EHBP1: variants seen among roughly 807,000 people sequenced by gnomAD.
The protein encoded by EHBP1 is EH domain-binding protein 1.
In EHBP1, 55 loss-of-function variants were observed where a neutral mutation model predicts 144.0. The ratio of observed to expected loss-of-function variants is 0.38; its 90% CI spans 0.31 to 0.48. The LOEUF is 0.48. EHBP1 is among the 20% of genes least tolerant of loss of function. The pLI, the probability that EHBP1 is intolerant of heterozygous loss-of-function variation, is 0.98. For synonymous variants in EHBP1, 469 were observed against 472.7 expected (o/e 0.99, Z 0.10); for missense variants, 1,200 against 1,364.2 (o/e 0.88, Z 1.90).
rs144376041 is a variant in EHBP1, at chr2:62,948,817, T to A, written c.1971T>A (p.Ala657=). The change falls in exon 13 of 23, where the codon GCT becomes GCA. Residue 657 remains alanine, a synonymous_variant. Coordinates refer to ENST00000431489, the MANE Select transcript of EHBP1 (RefSeq NM_001142616.3). ...TAGGCAAAAAGAGACTATTGAAAGC[T>A]GAGACTTTAGAATTGAGTGACTTAT... ...VLLGKKRLLK[A]ETLELSDLYV... 6.0e-4 allele frequency: 970 copies of A among 1,614,138 alleles called. 2 individuals carry two copies. The highest frequency in any genetic ancestry group is 5.3e-3 in the Middle Eastern group (32 of 6,062).
intron 3 of EHBP1, among the ~76,000 whole-genome samples, chr2:62,756,211 C>T (rs2040265243): frequency 6.6e-6 from 1 of 151,724 alleles, no homozygotes; most frequent in Admixed American, 6.6e-5. Flanking sequence ...AATAATTTCT[C>T]TGTGAGGTCC....
rs74717002 is a variant in EHBP1, at chr2:62,948,675, G to A, written c.1829G>A (p.Arg610His). Residue 610 changes from arginine to histidine, a missense_variant, in exon 13 of 23, where the codon CGC (arginine) becomes CAC (histidine). Around this residue, in one of 6 missense-constraint regions of EHBP1, gnomAD observed 543 missense variants for 513.1 expected, o/e 1.06. Transcript: ENST00000431489. ...LSPSTASPYC[R>H]RTKSDTEPQK... is the part of the protein sequence containing the mutation. Reference sequence around the variant, plus strand: ...CCAAGCACAGCCTCCCCTTACTGTCGCAGGACTAAAAGTGACACAGAACCC... The same window carrying A: ...CCAAGCACAGCCTCCCCTTACTGTCACAGGACTAAAAGTGACACAGAACCC... 2.6e-4 allele frequency: 420 copies of A among 1,613,908 alleles called. No homozygotes were observed. In the African/African-American group the frequency reaches 3.8e-3, roughly 15 times the overall value.
intron 7 of EHBP1, among the ~76,000 whole-genome samples, chr2:62,833,158 A>G (rs2046953280): frequency 6.6e-6 from 1 of 152,242 alleles, no homozygotes; most frequent in Admixed American, 6.5e-5. Flanking sequence ...AATCCAGATC[A>G]AGGCCCTAAC....
intron 10 of EHBP1, among the ~76,000 whole-genome samples, chr2:62,880,139 C>T (rs1373190268): frequency 6.6e-6 from 1 of 152,056 alleles, no homozygotes; most frequent in African/African-American, 2.4e-5. Context: ...ACAAGTGGTG[C>T]CAGGTTAACT....
chr2:62,883,239 A>C (rs375369910), intron 10 of EHBP1, among the ~76,000 whole-genome samples: 1 of 152,188 alleles, frequency 6.6e-6, no homozygotes, highest in East Asian at 1.9e-4. Context: ...TCCAGGTTGG[A>C]ACTCTAAATA....
intron 10 of EHBP1, among the ~76,000 whole-genome samples, chr2:62,891,101 C>T (rs185408102): frequency 4.0e-4 from 60 of 150,104 alleles, no homozygotes; most frequent in Admixed American, 9.3e-4. Flanking sequence ...TCACTTGACC[C>T]GGGAGGCGGA....
chr2:62,825,702 T>A (rs565684605), intron 5 of EHBP1, among the ~76,000 whole-genome samples: 77 of 152,152 alleles, frequency 5.1e-4, no homozygotes, highest in African/African-American at 1.8e-3. Context: ...TTAGGTTACA[T>A]TAAATATTAT....
intron 19 of EHBP1, among the ~76,000 whole-genome samples, chr2:63,007,631 CT>C (rs754685258): frequency 4.6e-5 from 7 of 151,876 alleles, no homozygotes; most frequent in Non-Finnish European, 1.0e-4. Context: ...AACACCTCCC[CT>C]GTCCTCCGTG....
intron 5 of EHBP1, among the ~76,000 whole-genome samples, chr2:62,795,566 C>G (rs1168428491): frequency 6.6e-6 from 1 of 151,966 alleles, no homozygotes; most frequent in African/African-American, 2.4e-5. Flanking sequence ...CACACTACCT[C>G]TAAAACTGGC....
intron 11 of EHBP1, among the ~76,000 whole-genome samples, chr2:62,943,280 G>A (rs1205532919): frequency 1.3e-5 from 2 of 150,348 alleles, no homozygotes; most frequent in African/African-American, 4.9e-5. Context: ...GGAGGCTGAG[G>A]TAGGAGAATC....
At position 62,834,395 on chromosome 2, in the gene EHBP1, A is replaced by G. The variant is rs145836504; in HGVS notation, c.634+3237A>G. ...TTTAGGAAATGGCAACAAGTATTTT[A>G]AGGAATTACCCAACCTTCAGCAACC... On this transcript the variant is annotated intron_variant, in intron 7 of 22. Transcript: ENST00000431489. Among the ~76,000 whole-genome samples the G allele has an allele frequency of 8.2e-4, 125 of 152,336 alleles. 1 individual carries two copies. In the East Asian group the frequency reaches 0.019, roughly 24 times the overall value.
At position 62,892,059 on chromosome 2, in the gene EHBP1, C is replaced by T. The variant is rs541246867; in HGVS notation, c.1185+17527C>T. Among the ~76,000 whole-genome samples the T allele has an allele frequency of 2.6e-4, 40 of 152,196 alleles. No homozygotes were observed. In the South Asian group the frequency reaches 7.5e-3, roughly 28 times the overall value. ...ATTCCAGTTTGGGACCATTCTTATACCTAAAATGCCTTGTGAATTCAAGAG... is the reference window on the plus strand; with the variant it reads ...ATTCCAGTTTGGGACCATTCTTATATCTAAAATGCCTTGTGAATTCAAGAG... On this transcript the variant is annotated intron_variant, in intron 10 of 22. Coordinates refer to ENST00000431489, the MANE Select transcript of EHBP1 (RefSeq NM_001142616.3).
At chr2:62,777,174 G>T (rs2042107569) in intron 5 of EHBP1, among the ~76,000 whole-genome samples, 1 of 152,034 alleles carries the variant, frequency 6.6e-6, no homozygotes, top group Non-Finnish European at 1.5e-5. Context: ...GTCTCCCTTT[G>T]TTGACTAGGC....
At chr2:62,773,850 C>CAAAAAAAAAAAAAAAAAA (rs570715468) in intron 5 of EHBP1, among the ~76,000 whole-genome samples, 4 of 41,542 alleles carry the variant, frequency 9.6e-5, no homozygotes, top group Non-Finnish European at 1.2e-4. Flanking sequence ...GACTCCATCT[C>CAAAAAAAAAAAAAAAAAA]AAAAAAAAAA....
chr2:62,963,402 A>G (rs1326909320), intron 14 of EHBP1, among the ~76,000 whole-genome samples: 2 of 152,202 alleles, frequency 1.3e-5, no homozygotes, highest in Non-Finnish European at 2.9e-5. Flanking sequence ...TTTACCATTC[A>G]ATTGGTAAAA....
At chr2:62,716,795 C>T (rs2035728401) in intron 2 of EHBP1, among the ~76,000 whole-genome samples, 1 of 152,222 alleles carries the variant, frequency 6.6e-6, no homozygotes, top group African/African-American at 2.4e-5. Context: ...CTTTGCTCCC[C>T]TGGCAACTGC....
intron 19 of EHBP1, among the ~76,000 whole-genome samples, chr2:63,036,709 T>A (rs564406528): frequency 6.6e-6 from 1 of 152,112 alleles, no homozygotes; most frequent in Admixed American, 6.5e-5. Context: ...TTCTTCAGTA[T>A]AATTGTGGCC....
chr2:62,819,641 G>C (rs541029410), intron 5 of EHBP1, among the ~76,000 whole-genome samples: 47 of 151,942 alleles, frequency 3.1e-4, no homozygotes, highest in Non-Finnish European at 6.5e-4. Context: ...GTGCACACCT[G>C]TAATCCCAGC....
intron 2 of EHBP1, among the ~76,000 whole-genome samples, chr2:62,710,491 G>T (rs1242221530): frequency 6.6e-6 from 1 of 150,732 alleles, no homozygotes; most frequent in African/African-American, 2.4e-5. Context: ...TGTCATATAA[G>T]AATTCCTTTT....
Sources: allele counts gnomAD v4.1 joint callset (sites outside exome capture counted in the v4.1 genomes callset), GRCh38; gene constraint gnomAD v4.1.1; regional missense constraint gnomAD v4.1.1; transcripts MANE v1.5; gene names NCBI Gene and HGNC (gene_info 2026-07-23, HGNC 2026-07-21).